The following PRRC2B variants were observed in gnomAD, a reference collection of about 807,000 sequenced individuals.
PRRC2B encodes protein PRRC2B.
PRRC2B carries 68 observed loss-of-function variants against 242.3 expected under a neutral mutation model. The observed-to-expected ratio is 0.28, with a 90% CI of 0.23 to 0.34. The LOEUF is 0.34. PRRC2B is among the 10% of genes least tolerant of loss of function. PRRC2B has a pLI of 1.00. For missense variants in PRRC2B, 2,835 were observed against 2,954.8 expected, an observed-to-expected ratio of 0.96 and a Z score of 0.94; for synonymous variants, 1,228 against 1,173.6, an observed-to-expected ratio of 1.05 and a Z score of -0.95.
At chr9:131,451,725 G>C (rs1229624426) in intron 9 of PRRC2B, among the ~76,000 whole-genome samples, 2 of 152,102 alleles carry the variant, frequency 1.3e-5, no homozygotes, top group African/African-American at 2.4e-5. Flanking sequence ...ATCAGGTTGA[G>C]GATGTGTTGC....
intron 1 of PRRC2B, among the ~76,000 whole-genome samples, chr9:131,380,953 A>T (rs1286967702): frequency 1.3e-5 from 2 of 151,260 alleles, no homozygotes; most frequent in African/African-American, 4.9e-5. Flanking sequence ...TGGTGTACAC[A>T]TATTTTCTCC....
intron 1 of PRRC2B, among the ~76,000 whole-genome samples, chr9:131,429,458 G>C (rs1838066237): frequency 2.0e-5 from 3 of 152,224 alleles, no homozygotes; most frequent in African/African-American, 7.2e-5. Flanking sequence ...GCTAGCCCTG[G>C]GGAGTTCTTG....
chr9:131,424,726 A>G (rs1226881246), intron 1 of PRRC2B, among the ~76,000 whole-genome samples: 1 of 152,182 alleles, frequency 6.6e-6, no homozygotes, highest in Non-Finnish European at 1.5e-5. Flanking sequence ...GCATTAAAGA[A>G]AACATTGTAC....
In PRRC2B at chr9:131,432,634, T is replaced by C; in HGVS notation, c.133T>C (p.Leu45=). The change falls in exon 3 of 32, where the codon TTA becomes CTA. Residue 45 remains leucine (L), a synonymous_variant. Coordinates refer to ENST00000683519, the MANE Select transcript of PRRC2B (RefSeq NM_013318.4). ...CCCTGCAGTTATTCCTAGACATGGC[T>C]TACAGAGTCTTGGGAAAGTTGCTGC... is the stretch of plus-strand genomic sequence containing the variant. ...IRSSVIPRHG[L]QSLGKVAAAR... is the part of the protein sequence containing the mutation. The C allele has an allele frequency of 6.2e-7, 1 of 1,614,058 alleles. No homozygotes were observed. Among genetic ancestry groups the C allele is most frequent in the Non-Finnish European group, 8.5e-7 (1 of 1,179,890 alleles).
intron 1 of PRRC2B, 117 bp downstream of exon 1, chr9:131,394,380 C>G (rs1451781635): frequency 6.9e-6 from 1 of 145,714 alleles, no homozygotes; most frequent in Non-Finnish European, 1.5e-5. Context: ...GGGGGCCCTG[C>G]GGCCCTGCCC....
intron 9 of PRRC2B, among the ~76,000 whole-genome samples, chr9:131,453,671 A>G (rs1305086178): frequency 1.3e-5 from 2 of 152,134 alleles, no homozygotes; most frequent in South Asian, 4.1e-4. Context: ...AGCTGGGACT[A>G]CAGGTGTGCA....
At chr9:131,411,579 GTGATCCGCCCGCCTCGGC>G (rs1384306123) in intron 1 of PRRC2B, among the ~76,000 whole-genome samples, 1 of 151,876 alleles carries the variant, frequency 6.6e-6, no homozygotes, top group African/African-American at 2.4e-5. Context: ...TCCTGACCTC[GTGATCCGCCCGCCTCGGC>G]CTTCCAAAGT....
intron 1 of PRRC2B, among the ~76,000 whole-genome samples, chr9:131,387,229 G>C (rs1458781779): frequency 6.7e-6 from 1 of 150,182 alleles, no homozygotes; most frequent in Non-Finnish European, 1.5e-5. Context: ...TCGAACTCCC[G>C]ATCTCAGGTG....
Position 131,394,108 on chromosome 9 carries a change from C to G in PRRC2B, c.-207C>G, listed in dbSNP as rs1279041284. 1 of 149,440 alleles carries G rather than the reference C, an allele frequency of 6.7e-6. No individual in the cohort carries two copies. Among genetic ancestry groups the G allele is most frequent in the African/African-American group, 2.4e-5 (1 of 41,006 alleles). The allele number at this position is 149,440 out of a possible 1,614,324, so 9.3% of individuals were successfully genotyped here. ...GGCGAGACAGGCGCCGAGGCTCCAC[C>G]GCGCAGCGACGAGCGAGCCCGGGAG... On this transcript the variant is annotated 5_prime_UTR_variant, in exon 1 of 32. Transcript: ENST00000683519.
At chr9:131,413,765 A>G (rs920154119) in intron 1 of PRRC2B, among the ~76,000 whole-genome samples, 2 of 152,182 alleles carry the variant, frequency 1.3e-5, no homozygotes, top group Non-Finnish European at 2.9e-5. Flanking sequence ...TCTGCCTCCC[A>G]GGTTCAAGCG....
chr9:131,454,796 C>T lies in PRRC2B; in HGVS notation c.1121-280C>T, dbSNP rs147894381. ...TATTACAGGCACACGCCACCATGCC[C>T]GACTAATTTTTGTATTTTTAGTAGA... On this transcript the variant is annotated intron_variant, in intron 9 of 31. Coordinates refer to ENST00000683519, the MANE Select transcript of PRRC2B (RefSeq NM_013318.4). Among the ~76,000 whole-genome samples the T allele has an allele frequency of 1.8e-3, 267 of 152,184 alleles. 8 individuals are homozygous for T. The East Asian group carries it at 0.041, about 23-fold the overall frequency.
In PRRC2B at chr9:131,388,112, C is replaced by A. The variant is rs1034285788; in HGVS notation, c.-56+14381C>A. Among the ~76,000 whole-genome samples the A allele has an allele frequency of 4.1e-5, 6 of 146,170 alleles. No individual in the cohort carries two copies. In the East Asian group the frequency reaches 1.3e-3, roughly 31 times the overall value. On this transcript the variant is annotated intron_variant, in intron 1 of 1. Coordinates refer to the PRRC2B transcript ENST00000682525. ...GAGAATCATTTGAACGCATTGTGGG[C>A]GGGGGGCCGAGGTTGCAGTGAGCCG...
chr9:131,458,568 G>A (rs1219755117), intron 10 of PRRC2B, among the ~76,000 whole-genome samples: 1 of 151,474 alleles, frequency 6.6e-6, no homozygotes, highest in Non-Finnish European at 1.5e-5. Context: ...GTAGTGCCGC[G>A]ATTTTGGCTC....
At chr9:131,478,330 T>C in intron 17 of PRRC2B, 144 bp from the exon 18 acceptor site, 1 of 789,656 alleles carries the variant, frequency 1.3e-6, no homozygotes, top group Admixed American at 2.2e-5. Flanking sequence ...ATGTGTTAGA[T>C]CAGAGGCGGC....
chr9:131,465,596 C>T (rs1943374475), intron 12 of PRRC2B, among the ~76,000 whole-genome samples: 2 of 152,200 alleles, frequency 1.3e-5, no homozygotes, highest in South Asian at 2.1e-4. Flanking sequence ...CTCGCTATCC[C>T]TGCCTAATCA....
chr9:131,475,975 C>T lies in PRRC2B; in HGVS notation c.3846C>T (p.Phe1282=), dbSNP rs766732139. 1 of 1,610,962 alleles carries T rather than the reference C, an allele frequency of 6.2e-7. No homozygotes were observed. Among genetic ancestry groups the T allele is most frequent in the South Asian group, 1.1e-5 (1 of 91,024 alleles). ...GCCGCGCGGAGGACAAGAGATCCTT[C>T]TTCCAAGATGAACACGTGGCAGATT... ...EDSRAEDKRS[F]FQDEHVADSE... is the part of the protein sequence containing the mutation. The change falls in exon 16 of 32, where the codon TTC becomes TTT. Residue 1282 remains phenylalanine (F), a synonymous_variant. Coordinates refer to ENST00000683519, the MANE Select transcript of PRRC2B (RefSeq NM_013318.4).
chr9:131,394,959 GGTT>G (rs1287079758), intron 1 of PRRC2B, among the ~76,000 whole-genome samples: 18 of 146,806 alleles, frequency 1.2e-4, no homozygotes, highest in African/African-American at 3.8e-4. Flanking sequence ...TGCCAGATGG[GGTT>G]TTTTTTTTTT....
In PRRC2B at chr9:131,436,604, C is replaced by A. The variant is rs776056250; in HGVS notation, c.294-16C>A. On this transcript the variant is annotated splice_polypyrimidine_tract_variant and intron_variant, in intron 3 of 31. Transcript: ENST00000683519. Reference sequence around the variant, plus strand: ...CTCTGTGCGGTGCCTGACCCCACTGCCCTGCCTTTGTCTAGTTCCAGTGCG... The same window carrying A: ...CTCTGTGCGGTGCCTGACCCCACTGACCTGCCTTTGTCTAGTTCCAGTGCG... 3.7e-6 allele frequency: 6 copies of A among 1,608,194 alleles called. No homozygotes were observed. Among genetic ancestry groups the A allele is most frequent in the Non-Finnish European group, 5.1e-6 (6 of 1,176,182 alleles).
In PRRC2B at chr9:131,444,173, T is replaced by C; in HGVS notation, c.470-12T>C. On this transcript the variant is annotated splice_polypyrimidine_tract_variant and intron_variant, in intron 5 of 31. Transcript: ENST00000683519. The stretch of plus-strand genomic sequence containing the variant: ...TCTCACTTCCTCCATGTCTACCCCG[T>C]CTTCTTGACAGGTTTAAGGGGCTCA... 1 of 1,613,906 alleles carries C rather than the reference T, an allele frequency of 6.2e-7. No homozygotes were observed.
Sources: gnomAD v4.1 joint callset for allele counts (sites outside exome capture counted in the v4.1 genomes callset) on GRCh38, gnomAD v4.1.1 for gene constraint, MANE v1.5 for transcripts, NCBI Gene and HGNC (gene_info 2026-07-23, HGNC 2026-07-21) for gene names.